The following CNTNAP5 variants were observed in gnomAD, a reference collection of about 807,000 sequenced individuals.
CNTNAP5 encodes the protein contactin associated protein family member 5.
Under a neutral mutation model 150.2 loss-of-function variants are expected in CNTNAP5, and 72 were observed. The observed-to-expected ratio is 0.48, with a 90% CI of 0.40 to 0.58. CNTNAP5 has a LOEUF of 0.58. CNTNAP5 is among the 20% of genes least tolerant of loss of function. The probability of loss-of-function intolerance (pLI) is 0.00; values close to 1 mark genes in which losing one functional copy is unlikely to be tolerated. For missense variants in CNTNAP5, 1,636 were observed against 1,626.2 expected (o/e 1.01, Z -0.10); for synonymous variants, 672 against 619.8 (o/e 1.08, Z -1.25).
At chr2:124,789,057 C>T (rs1681661868) in intron 17 of CNTNAP5, among the ~76,000 whole-genome samples, 1 of 152,180 alleles carries the variant, frequency 6.6e-6, no homozygotes, top group Non-Finnish European at 1.5e-5. Flanking sequence ...AAGTGACATG[C>T]GTTTGACTCC....
intron 22 of CNTNAP5, among the ~76,000 whole-genome samples, chr2:124,907,806 G>A (rs1275761940): frequency 2.0e-5 from 3 of 150,552 alleles, no homozygotes; most frequent in Non-Finnish European, 3.0e-5. Context: ...CATGGATATA[G>A]GCATGGTATT....
chr2:124,698,201 TC>T (rs1679445485), intron 13 of CNTNAP5, among the ~76,000 whole-genome samples: 1 of 152,058 alleles, frequency 6.6e-6, no homozygotes, highest in Non-Finnish European at 1.5e-5. Flanking sequence ...CTAGACTGGA[TC>T]AGAGAGGCTG....
intron 6 of CNTNAP5, among the ~76,000 whole-genome samples, chr2:124,461,996 G>T (rs1274299925): frequency 6.6e-6 from 1 of 151,444 alleles, no homozygotes; most frequent in African/African-American, 2.4e-5. Flanking sequence ...ATAAAATAAA[G>T]AGTTATTATT....
chr2:124,807,572 A>G (rs777575500), intron 19 of CNTNAP5, among the ~76,000 whole-genome samples: 1 of 152,236 alleles, frequency 6.6e-6, no homozygotes, highest in Non-Finnish European at 1.5e-5. Flanking sequence ...ATTTTGGCCT[A>G]GAAAGGTTAA....
intron 3 of CNTNAP5, among the ~76,000 whole-genome samples, chr2:124,334,628 CTCAG>C (rs1396760351): frequency 3.3e-5 from 5 of 152,140 alleles, no homozygotes; most frequent in Non-Finnish European, 5.9e-5. Flanking sequence ...AAGGAAAAGT[CTCAG>C]TCAGGAATCC....
At chr2:124,118,161 T>C (rs1023708875) in intron 1 of CNTNAP5, among the ~76,000 whole-genome samples, 2 of 152,162 alleles carry the variant, frequency 1.3e-5, no homozygotes, top group African/African-American at 4.8e-5. Context: ...ATGCAACAGA[T>C]ACTTTAGAAT....
intron 6 of CNTNAP5, among the ~76,000 whole-genome samples, chr2:124,449,312 AAC>A (rs2104808884): frequency 6.6e-6 from 1 of 152,330 alleles, no homozygotes; most frequent in African/African-American, 2.4e-5. Flanking sequence ...TCAATATTGG[AAC>A]CATCTCAAAG....
intron 10 of CNTNAP5, among the ~76,000 whole-genome samples, chr2:124,535,316 G>A (rs1411652531): frequency 6.6e-6 from 1 of 152,144 alleles, no homozygotes; most frequent in Non-Finnish European, 1.5e-5. Context: ...TGCATCCTAT[G>A]GAGACTTTTC....
intron 2 of CNTNAP5, among the ~76,000 whole-genome samples, chr2:124,239,647 T>A (rs1465959607): frequency 6.6e-6 from 1 of 151,990 alleles, no homozygotes; most frequent in African/African-American, 2.4e-5. Context: ...TATACATTTA[T>A]TTTCTATCAT....
At chr2:124,810,140 A>C (rs1005305776) in intron 19 of CNTNAP5, among the ~76,000 whole-genome samples, 3 of 152,194 alleles carry the variant, frequency 2.0e-5, no homozygotes, top group African/African-American at 7.2e-5. Context: ...CTTGATATGC[A>C]TGCATTCATT....
At chr2:124,734,669 C>A (rs1680344930) in intron 13 of CNTNAP5, among the ~76,000 whole-genome samples, 1 of 152,010 alleles carries the variant, frequency 6.6e-6, no homozygotes, top group Non-Finnish European at 1.5e-5. Flanking sequence ...GACCTTCTCT[C>A]ATTTCCAAGT....
intron 1 of CNTNAP5, among the ~76,000 whole-genome samples, chr2:124,218,158 C>A (rs183007636): frequency 6.6e-6 from 1 of 152,198 alleles, no homozygotes; most frequent in Admixed American, 6.5e-5. Context: ...AACCCTTAAC[C>A]TGTTTATGCT....
chr2:124,348,721 T>G (rs905699922), intron 3 of CNTNAP5, among the ~76,000 whole-genome samples: 2 of 152,168 alleles, frequency 1.3e-5, no homozygotes, highest in African/African-American at 4.8e-5. Flanking sequence ...ATTTTGGACA[T>G]AATATTGTAT....
At chr2:124,523,047 T>G (rs1429197967) in intron 8 of CNTNAP5, among the ~76,000 whole-genome samples, 1 of 152,218 alleles carries the variant, frequency 6.6e-6, no homozygotes, top group African/African-American at 2.4e-5. Context: ...CTTGCATATG[T>G]CTCTGCCTTT....
chr2:124,182,562 A>G (rs185442583), intron 1 of CNTNAP5, among the ~76,000 whole-genome samples: 1 of 152,224 alleles, frequency 6.6e-6, no homozygotes, highest in Admixed American at 6.5e-5. Flanking sequence ...TCATTGACAA[A>G]TCCGGTGAAA....
chr2:124,324,833 A>G (rs1369012806), intron 3 of CNTNAP5, among the ~76,000 whole-genome samples: 2 of 152,280 alleles, frequency 1.3e-5, no homozygotes, highest in East Asian at 3.9e-4. Flanking sequence ...ATTTTATAAG[A>G]CAAGCTTTCA....
chr2:124,270,300 C>T (rs72962879), intron 3 of CNTNAP5, among the ~76,000 whole-genome samples: 204 of 151,638 alleles, frequency 1.3e-3, no homozygotes, highest in African/African-American at 4.6e-3. Context: ...CTGAGCAAGA[C>T]TCCATCTCAA....
chr2:124,123,065 G>T (rs1185121030), intron 1 of CNTNAP5, among the ~76,000 whole-genome samples: 1 of 152,060 alleles, frequency 6.6e-6, no homozygotes, highest in African/African-American at 2.4e-5. Context: ...ACTGGGGCTT[G>T]TCGGACACTG....
chr2:124,778,565 C>A, intron 17 of CNTNAP5: 1 of 154,114 alleles, frequency 6.5e-6, no homozygotes, highest in African/African-American at 2.4e-5. Context: ...GTTTGATCAT[C>A]CTGTCAATCC....
Sources: gnomAD v4.1 joint callset for allele counts (sites outside exome capture counted in the v4.1 genomes callset) on GRCh38, gnomAD v4.1.1 for gene constraint, MANE v1.5 for transcripts, NCBI Gene and HGNC (gene_info 2026-07-23, HGNC 2026-07-21) for gene names.